The following PEX14 variants were observed in gnomAD, a reference collection of about 807,000 sequenced individuals.
The protein encoded by PEX14 is peroxisomal membrane protein PEX14.
In PEX14, 15 loss-of-function variants were observed where a neutral mutation model predicts 49.5. The observed-to-expected ratio is 0.30, with a 90% CI of 0.20 to 0.47. The LOEUF (loss-of-function observed/expected upper bound fraction) is 0.47, where lower values mean the gene tolerates loss of function less well. Among genes scored for constraint, PEX14 ranks in the 20% least tolerant of loss-of-function variants. PEX14 has a pLI of 1.00. For missense variants in PEX14, 398 were observed against 494.8 expected (o/e 0.80, Z 1.86); for synonymous variants, 210 against 212.7 (o/e 0.99, Z 0.11).
chr1:10,515,068 C>T (rs929647524), intron 2 of PEX14, among the ~76,000 whole-genome samples: 2 of 152,182 alleles, frequency 1.3e-5, no homozygotes, highest in Non-Finnish European at 2.9e-5. Flanking sequence ...TGGGCTCCGT[C>T]CTCCAGCGGG....
intron 3 of PEX14, among the ~76,000 whole-genome samples, chr1:10,565,742 A>C (rs770880427): frequency 6.6e-6 from 1 of 152,204 alleles, no homozygotes; most frequent in Non-Finnish European, 1.5e-5. Context: ...AACTGAGTGC[A>C]ATGGCTTGAG....
At chr1:10,616,223 G>A (rs896266860) in intron 4 of PEX14, among the ~76,000 whole-genome samples, 4 of 152,120 alleles carry the variant, frequency 2.6e-5, no homozygotes, top group Admixed American at 1.3e-4. Context: ...AGGTCTTTGC[G>A]ACTTGGATCC....
chr1:10,490,992 G>A (rs1641461226), intron 1 of PEX14, among the ~76,000 whole-genome samples: 1 of 151,468 alleles, frequency 6.6e-6, no homozygotes, highest in Non-Finnish European at 1.5e-5. Flanking sequence ...ACCATGCCCG[G>A]CCTTGTTTTT....
Position 10,501,329 on chromosome 1 carries a change from C to T in PEX14, c.84+6008C>T, listed in dbSNP as rs575913906. On this transcript the variant is annotated intron_variant, in intron 2 of 8. Transcript: ENST00000356607. ...TTATTTTTATTTTGAGATGCAGTCTCGCTTTTGCCCAGGCTAGAGTGCTGG... is the reference window on the plus strand; with the variant it reads ...TTATTTTTATTTTGAGATGCAGTCTTGCTTTTGCCCAGGCTAGAGTGCTGG... 4.6e-5 allele frequency among the ~76,000 whole-genome samples: 7 copies of T among 152,164 alleles called. No homozygotes were observed. In the East Asian group the frequency reaches 5.8e-4, roughly 13 times the overall value.
chr1:10,601,867 G>A (rs1557867634), intron 4 of PEX14, among the ~76,000 whole-genome samples: 1 of 152,226 alleles, frequency 6.6e-6, no homozygotes, highest in Non-Finnish European at 1.5e-5. Flanking sequence ...GTTGAGGATA[G>A]GCAGCGGCAG....
chr1:10,486,289 A>G (rs1049231331), intron 1 of PEX14, among the ~76,000 whole-genome samples: 7 of 151,060 alleles, frequency 4.6e-5, no homozygotes, highest in Non-Finnish European at 5.9e-5. Flanking sequence ...GTTAAGTGTT[A>G]GCTATAGGTA....
At position 10,505,385 on chromosome 1, in the gene PEX14, G is replaced by A. The variant is rs532850703; in HGVS notation, c.84+10064G>A. Among the ~76,000 whole-genome samples, 34 of 152,262 alleles carry A rather than the reference G, an allele frequency of 2.2e-4. 1 individual carries two copies. In the South Asian group the frequency reaches 7.0e-3, roughly 32 times the overall value. On this transcript the variant is annotated intron_variant, in intron 2 of 8. Coordinates refer to ENST00000356607, the MANE Select transcript of PEX14 (RefSeq NM_004565.3). ...CTCTGGAGGCTGAGGCAGGAGGATTGCATCAACCCAGGAGATTGTGATTAC... is the reference window on the plus strand; with the variant it reads ...CTCTGGAGGCTGAGGCAGGAGGATTACATCAACCCAGGAGATTGTGATTAC...
intron 4 of PEX14, among the ~76,000 whole-genome samples, chr1:10,604,349 C>T (rs140567296): frequency 7.2e-5 from 11 of 152,212 alleles, no homozygotes; most frequent in South Asian, 2.1e-4. Flanking sequence ...GGTTGTTGGA[C>T]GTGGCGCCTG....
intron 1 of PEX14, among the ~76,000 whole-genome samples, chr1:10,491,875 G>A (rs1452079092): frequency 2.0e-5 from 3 of 151,820 alleles, no homozygotes; most frequent in Non-Finnish European, 4.4e-5. Context: ...TAGAGACGGG[G>A]TTTCGCCATG....
At chr1:10,604,268 G>C (rs1641067139) in intron 4 of PEX14, among the ~76,000 whole-genome samples, 1 of 152,154 alleles carries the variant, frequency 6.6e-6, no homozygotes. Flanking sequence ...TGATCAGACA[G>C]GATAGACAAG....
intron 4 of PEX14, among the ~76,000 whole-genome samples, chr1:10,600,296 C>T (rs948638909): frequency 6.6e-6 from 1 of 152,074 alleles, no homozygotes; most frequent in Non-Finnish European, 1.5e-5. Context: ...TGGCAGGCGC[C>T]TGTAATCCCT....
In PEX14 at chr1:10,565,194, G is replaced by T. The variant is rs139291395; in HGVS notation, c.169+28897G>T. Among the ~76,000 whole-genome samples, 830 of 152,256 alleles carry T rather than the reference G, an allele frequency of 5.5e-3. 7 individuals carry two copies. The highest frequency in any genetic ancestry group is 0.019 in the African/African-American group (784 of 41,540). On this transcript the variant is annotated intron_variant, in intron 3 of 8. Transcript: ENST00000356607. ...TGGGATTACAGGCATGAGCCACTGC[G>T]CCCAGCCTTTTTTTGTATATCTTAA...
chr1:10,627,396 C>G, intron 8 of PEX14, 33 bp downstream of exon 8: 3 of 1,471,846 alleles, frequency 2.0e-6, no homozygotes, highest in Non-Finnish European at 2.9e-6. Flanking sequence ...CTGTTCTGGT[C>G]GGGCCTGGAA....
In PEX14 at chr1:10,629,885, G is replaced by T. The variant is rs11539794; in HGVS notation, c.1032G>T (p.Gly344=). ...VSHVDEEDCL[G]VQREDRRGGD... ...ATGTGGACGAGGAGGACTGCCTGGGGGTGCAGAGGGAGGACCGCCGGGGCG... is the reference window on the plus strand; with the variant it reads ...ATGTGGACGAGGAGGACTGCCTGGGTGTGCAGAGGGAGGACCGCCGGGGCG... The change falls in exon 9 of 9, where the codon GGG becomes GGT. Residue 344 remains glycine (G), a synonymous_variant. Transcript: ENST00000356607. This position sits in a 1 kb window ranked among gnomAD's most constrained non-coding sequence, Gnocchi z 8.5. 0.17 allele frequency: 279,044 copies of T among 1,612,824 alleles called. 25,665 individuals carry two copies. The highest frequency in any genetic ancestry group is 0.22 in the Middle Eastern group (1,345 of 6,034).
intron 2 of PEX14, among the ~76,000 whole-genome samples, chr1:10,506,704 T>C (rs747721433): frequency 5.9e-5 from 9 of 152,238 alleles, no homozygotes; most frequent in Non-Finnish European, 1.2e-4. Context: ...CAGTTAAACA[T>C]TAGAGGAAGA....
At chr1:10,541,764 C>T (rs922682696) in intron 3 of PEX14, among the ~76,000 whole-genome samples, 6 of 152,190 alleles carry the variant, frequency 3.9e-5, no homozygotes, top group East Asian at 3.9e-4. Flanking sequence ...AGATTTTTCT[C>T]GGCATCCAGG....
intron 3 of PEX14, among the ~76,000 whole-genome samples, chr1:10,547,220 C>T (rs928656498): frequency 6.6e-6 from 1 of 152,188 alleles, no homozygotes; most frequent in Admixed American, 6.5e-5. Flanking sequence ...CTCTTGACCC[C>T]CATGAAGCTG....
rs774029077 is a variant in PEX14 at position 10,618,312 on chromosome 1, C to T, written c.299-20C>T. On this transcript the variant is annotated intron_variant, in intron 4 of 8. Transcript: ENST00000356607. Reference sequence around the variant, plus strand: ...GACGCCATGTGCGTCTTCTAACCCTCCTCCTCTTCCCGCCTGTAGGTCCCG... The same window carrying T: ...GACGCCATGTGCGTCTTCTAACCCTTCTCCTCTTCCCGCCTGTAGGTCCCG... 12 of 1,608,756 alleles carry T rather than the reference C, an allele frequency of 7.5e-6. No individual in the cohort carries two copies. Among genetic ancestry groups the T allele is most frequent in the Non-Finnish European group, 1.0e-5 (12 of 1,175,594 alleles).
Position 10,551,241 on chromosome 1 carries a change from G to A in PEX14, c.169+14944G>A, listed in dbSNP as rs780350155. On this transcript the variant is annotated intron_variant, in intron 3 of 8. Coordinates refer to ENST00000356607, the MANE Select transcript of PEX14 (RefSeq NM_004565.3). Reference sequence around the variant, plus strand: ...AGCGGAATCAGCTTTATTGAATTTCGCCAAAAATGTGTTTATAATTCTGCC... The same window carrying A: ...AGCGGAATCAGCTTTATTGAATTTCACCAAAAATGTGTTTATAATTCTGCC... 5.3e-5 allele frequency among the ~76,000 whole-genome samples: 8 copies of A among 152,042 alleles called. No individual in the cohort carries two copies. The East Asian group carries it at 7.7e-4, about 15-fold the overall frequency.
Sources: allele counts gnomAD v4.1 joint callset (sites outside exome capture counted in the v4.1 genomes callset), GRCh38; gene constraint gnomAD v4.1.1; non-coding constraint Gnocchi (gnomAD v3.1); transcripts MANE v1.5; gene names NCBI Gene and HGNC (gene_info 2026-07-23, HGNC 2026-07-21).